The following MEGF10 variants were observed in gnomAD, a reference collection of about 807,000 sequenced individuals.
MEGF10 encodes the protein multiple EGF like domains 10, also known as multiple epidermal growth factor-like domains protein 10.
A neutral mutation model predicts 147.5 loss-of-function variants in MEGF10; 86 were observed. The ratio of observed to expected loss-of-function variants is 0.58; its 90% CI spans 0.49 to 0.70. The LOEUF (loss-of-function observed/expected upper bound fraction) is 0.70, where lower values mean the gene tolerates loss of function less well. MEGF10 is among the 30% of genes least tolerant of loss of function. MEGF10 has a pLI of 0.00. For missense variants in MEGF10, 1,329 were observed against 1,487.3 expected (o/e 0.89, Z 1.75); for synonymous variants, 478 against 525.5 (o/e 0.91, Z 1.24).
intron 4 of MEGF10, among the ~76,000 whole-genome samples, chr5:127,352,689 G>A (rs1004477189): frequency 1.1e-4 from 17 of 152,058 alleles, no homozygotes; most frequent in African/African-American, 2.7e-4. Flanking sequence ...AAAAAAAAGC[G>A]TTTATTTACC....
intron 1 of MEGF10, among the ~76,000 whole-genome samples, chr5:127,311,675 A>C (rs1297981857): frequency 3.9e-5 from 6 of 152,224 alleles, no homozygotes; most frequent in Non-Finnish European, 8.8e-5. Context: ...AAGAAGTTGA[A>C]TGATGACATA....
intron 9 of MEGF10, among the ~76,000 whole-genome samples, chr5:127,416,507 A>G (rs1764785878): frequency 6.6e-6 from 1 of 152,156 alleles, no homozygotes; most frequent in South Asian, 2.1e-4. Context: ...AAACCACCTT[A>G]TATGTAGAGC....
chr5:127,385,663 T>C (rs572398015), intron 5 of MEGF10, among the ~76,000 whole-genome samples: 1 of 152,256 alleles, frequency 6.6e-6, no homozygotes, highest in Admixed American at 6.5e-5. Flanking sequence ...CGGACATCTC[T>C]TTCCCTATGA....
intron 5 of MEGF10, among the ~76,000 whole-genome samples, chr5:127,383,495 C>T (rs1283825245): frequency 6.6e-6 from 1 of 151,998 alleles, no homozygotes; most frequent in African/African-American, 2.4e-5. Flanking sequence ...AAGTAAATCT[C>T]AATATCATAA....
In MEGF10 at chr5:127,325,855, G is replaced by GTATA. The variant is rs34408406; in HGVS notation, c.-18-5425_-18-5422dup. On this transcript the variant is annotated intron_variant, in intron 1 of 24. Coordinates refer to ENST00000503335, the MANE Select transcript of MEGF10 (RefSeq NM_001256545.2). The stretch of plus-strand genomic sequence containing the variant: ...TATATATATATATACATATATGTGT[G>GTATA]TATATATATATATACATATATGTGT... Among the ~76,000 whole-genome samples, 6 of 126,984 alleles carry GTATA rather than the reference G, an allele frequency of 4.7e-5. 1 individual carries two copies. Among genetic ancestry groups the GTATA allele is most frequent in the South Asian group, 2.3e-4 (1 of 4,270 alleles). The allele number at this position is 126,984 out of a possible 152,430, so 83.3% of individuals were successfully genotyped here.
chr5:127,244,982 C>A, the MEGF10 span, among the ~76,000 whole-genome samples: 21 of 152,262 alleles, frequency 1.4e-4, no homozygotes, highest in South Asian at 4.1e-3. Context: ...AAAATCATTC[C>A]ATGCTCATGG....
chr5:127,394,999 G>A (rs144678147), intron 5 of MEGF10, among the ~76,000 whole-genome samples: 117 of 152,266 alleles, frequency 7.7e-4, no homozygotes, highest in Admixed American at 1.8e-3. Context: ...TGTTTGCTGT[G>A]TACCTAGAGT....
rs540442829 is a variant in MEGF10, at chr5:127,308,698, C to T, written c.-19+17642C>T. ...TGGACACAGGAAGGGGAACATCACA[C>T]ACCAGAGCCTGTTGTGGGGTGGGGG... is the stretch of plus-strand genomic sequence containing the variant. On this transcript the variant is annotated intron_variant, in intron 1 of 24. Coordinates refer to ENST00000503335, the MANE Select transcript of MEGF10 (RefSeq NM_001256545.2). Among the ~76,000 whole-genome samples, 10 of 150,784 alleles carry T rather than the reference C, an allele frequency of 6.6e-5. No homozygotes were observed. In the South Asian group the frequency reaches 1.9e-3, roughly 29 times the overall value.
intron 5 of MEGF10, among the ~76,000 whole-genome samples, chr5:127,385,251 G>C (rs1763387113): frequency 1.3e-5 from 2 of 151,880 alleles, no homozygotes; most frequent in African/African-American, 4.8e-5. Flanking sequence ...AATATATATT[G>C]TCAAGTCAGT....
intron 5 of MEGF10, among the ~76,000 whole-genome samples, chr5:127,390,969 T>A (rs765026943): frequency 7.2e-5 from 11 of 152,142 alleles, no homozygotes; most frequent in Admixed American, 3.3e-4. Flanking sequence ...TGAGAGTTAA[T>A]CTATCACGAT....
At chr5:127,237,823 G>T in the MEGF10 span, among the ~76,000 whole-genome samples, 1 of 151,776 alleles carries the variant, frequency 6.6e-6, no homozygotes, top group African/African-American at 2.4e-5. Context: ...GCTTCTCCCT[G>T]CTCCCTTCCT....
chr5:127,251,242 T>C, the MEGF10 span, among the ~76,000 whole-genome samples: 1 of 152,062 alleles, frequency 6.6e-6, no homozygotes, highest in Non-Finnish European at 1.5e-5. Flanking sequence ...TAGGCAGAGA[T>C]ATTGGTTAAT....
chr5:127,251,231 A>G, the MEGF10 span, among the ~76,000 whole-genome samples: 1 of 152,066 alleles, frequency 6.6e-6, no homozygotes, highest in Non-Finnish European at 1.5e-5. Context: ...TTGCGCAGGT[A>G]TAGGCAGAGA....
chr5:127,286,526 A>T (rs1304403995), upstream of MEGF10, among the ~76,000 whole-genome samples: 2 of 152,072 alleles, frequency 1.3e-5, no homozygotes, highest in African/African-American at 4.8e-5. Context: ...TAAAGAAAAA[A>T]TATTTTGAAC....
At chr5:127,417,567 C>A in intron 9 of MEGF10, 71 bp from the exon 10 acceptor site, 1 of 1,462,074 alleles carries the variant, frequency 6.8e-7, no homozygotes. Flanking sequence ...ATTGCTAAAG[C>A]AACATTTGCA....
chr5:127,339,050 T>C, intron 2 of MEGF10, 70 bp from the exon 3 acceptor site: 1 of 937,318 alleles, frequency 1.1e-6, no homozygotes, highest in Non-Finnish European at 1.6e-6. Context: ...TTACAAACTT[T>C]TAAATACATA....
At chr5:127,391,102 G>GCGCGCGCGCCCGCACACA (rs1426600414) in intron 5 of MEGF10, among the ~76,000 whole-genome samples, 1 of 53,894 alleles carries the variant, frequency 1.9e-5, no homozygotes, top group Non-Finnish European at 5.0e-5. Flanking sequence ...GCGCGCGCGC[G>GCGCGCGCGCCCGCACACA]CACACACACA....
At chr5:127,421,924 G>A (rs1765020962) in intron 12 of MEGF10, among the ~76,000 whole-genome samples, 1 of 144,536 alleles carries the variant, frequency 6.9e-6, no homozygotes, top group Non-Finnish European at 1.5e-5. Flanking sequence ...GGGAGGCAGA[G>A]CTTGCAGTGA....
chr5:127,297,489 A>C (rs1454594156), intron 1 of MEGF10, among the ~76,000 whole-genome samples: 1 of 152,166 alleles, frequency 6.6e-6, no homozygotes, highest in Non-Finnish European at 1.5e-5. Flanking sequence ...AGTAAGAGCC[A>C]AGTGGCAGTT....
Sources: allele counts gnomAD v4.1 joint callset (sites outside exome capture counted in the v4.1 genomes callset), GRCh38; gene constraint gnomAD v4.1.1; transcripts MANE v1.5; gene names NCBI Gene and HGNC (gene_info 2026-07-23, HGNC 2026-07-21).